The following CACNG2 variants were observed in gnomAD, a reference collection of about 807,000 sequenced individuals.
CACNG2 encodes calcium voltage-gated channel auxiliary subunit gamma 2.
In CACNG2, 3 loss-of-function variants were observed where a neutral mutation model predicts 25.9. The ratio of observed to expected loss-of-function variants is 0.12; its 90% CI spans 0.05 to 0.30. CACNG2 has a LOEUF of 0.30. Ranked by LOEUF, CACNG2 falls within the 10% of genes least tolerant of loss-of-function variation. The pLI, the probability that CACNG2 is intolerant of heterozygous loss-of-function variation, is 1.00. For synonymous variants in CACNG2, 167 were observed against 173.3 expected (o/e 0.96, Z 0.29); for missense variants, 341 against 432.5 (o/e 0.79, Z 1.88).
chr22:36,658,428 G>A (rs1159785888), intron 1 of CACNG2, among the ~76,000 whole-genome samples: 6 of 152,172 alleles, frequency 3.9e-5, no homozygotes, highest in African/African-American at 7.2e-5. Context: ...AGAGAAGCAC[G>A]CACTGCATGC....
intron 1 of CACNG2, among the ~76,000 whole-genome samples, chr22:36,610,170 G>A (rs899294487): frequency 2.0e-5 from 3 of 150,980 alleles, no homozygotes; most frequent in African/African-American, 7.3e-5. Context: ...CATCAGGCAG[G>A]AATCAGTCCC....
chr22:36,657,670 T>G (rs955393003), intron 1 of CACNG2, among the ~76,000 whole-genome samples: 2 of 152,186 alleles, frequency 1.3e-5, no homozygotes, highest in African/African-American at 2.4e-5. Context: ...AGTTTTCATT[T>G]TTATAAATCC....
intron 2 of CACNG2, among the ~76,000 whole-genome samples, chr22:36,577,915 G>A (rs772488670): frequency 2.0e-5 from 3 of 152,126 alleles, no homozygotes; most frequent in Non-Finnish European, 4.4e-5. Context: ...TGAGAGCCCT[G>A]GGCAGTGGAC....
chr22:36,567,715 T>C (rs1165028403), intron 2 of CACNG2, among the ~76,000 whole-genome samples: 1 of 151,978 alleles, frequency 6.6e-6, no homozygotes, highest in African/African-American at 2.4e-5. Context: ...CTTTGCGAAG[T>C]AAAACATTTT....
At chr22:36,619,339 G>A (rs1256647771) in intron 1 of CACNG2, among the ~76,000 whole-genome samples, 1 of 152,170 alleles carries the variant, frequency 6.6e-6, no homozygotes, top group South Asian at 2.1e-4. Context: ...ATTATCACTA[G>A]GTGCAAATTT....
chr22:36,688,912 G>T (rs1364899196), intron 1 of CACNG2, among the ~76,000 whole-genome samples: 1 of 152,118 alleles, frequency 6.6e-6, no homozygotes, highest in Non-Finnish European at 1.5e-5. Context: ...AGTTTTGAGG[G>T]TGCTGCTCTA....
chr22:36,593,345 C>A (rs1316567373), intron 1 of CACNG2, among the ~76,000 whole-genome samples: 1 of 152,152 alleles, frequency 6.6e-6, no homozygotes, highest in South Asian at 2.1e-4. Flanking sequence ...AGTGAGCCAG[C>A]GCTCAGCTCC....
intron 1 of CACNG2, among the ~76,000 whole-genome samples, chr22:36,626,990 C>G (rs1287570265): frequency 6.6e-6 from 1 of 151,876 alleles, no homozygotes; most frequent in East Asian, 1.9e-4. Flanking sequence ...GGTTAAGTGA[C>G]TTGGCCAGGG....
chr22:36,702,899 AT>A lies in CACNG2; in HGVS notation c.-324del. The A allele has an allele frequency of 1.3e-5, 3 of 235,276 alleles. No homozygotes were observed. In the East Asian group the frequency reaches 3.5e-4, roughly 28 times the overall value. 14.6% of individuals were successfully genotyped at this position (235,276 alleles called of 1,614,324 possible). ...GACACCCCCCACCCCCCCAAGTGAG[AT>A]GCCTTAATCTCTTTTTCTAAAATTC... On this transcript the variant is annotated 5_prime_UTR_variant, in exon 1 of 4. Coordinates refer to ENST00000300105, the MANE Select transcript of CACNG2 (RefSeq NM_006078.5).
intron 1 of CACNG2, among the ~76,000 whole-genome samples, chr22:36,612,249 T>C (rs559856992): frequency 5.1e-4 from 77 of 152,348 alleles, no homozygotes; most frequent in African/African-American, 1.8e-3. Context: ...GAGAATACAA[T>C]GATAAGTATC....
chr22:36,700,313 G>A (rs1286405889), intron 1 of CACNG2, among the ~76,000 whole-genome samples: 4 of 152,360 alleles, frequency 2.6e-5, no homozygotes, highest in South Asian at 2.1e-4. Context: ...TTTAATGCAC[G>A]AGTGATACAA....
intron 1 of CACNG2, among the ~76,000 whole-genome samples, chr22:36,662,116 T>C (rs1355340760): frequency 6.6e-6 from 1 of 151,736 alleles, no homozygotes; most frequent in African/African-American, 2.4e-5. Flanking sequence ...GTAGCTGGGA[T>C]TATAGGCACA....
intron 1 of CACNG2, among the ~76,000 whole-genome samples, chr22:36,654,237 T>C (rs1457730980): frequency 6.6e-6 from 1 of 152,128 alleles, no homozygotes; most frequent in African/African-American, 2.4e-5. Flanking sequence ...GCGGGTATAC[T>C]TTATTCCATG....
intron 1 of CACNG2, among the ~76,000 whole-genome samples, chr22:36,596,363 G>A (rs1429066668): frequency 6.6e-6 from 1 of 152,252 alleles, no homozygotes; most frequent in African/African-American, 2.4e-5. Flanking sequence ...GGGGCACAGC[G>A]CAGCCACCAG....
At chr22:36,616,130 G>A (rs1603501721) in intron 1 of CACNG2, among the ~76,000 whole-genome samples, 1 of 152,090 alleles carries the variant, frequency 6.6e-6, no homozygotes, top group South Asian at 2.1e-4. Flanking sequence ...TTAACCTCTT[G>A]TTGCCCTGGT....
intron 1 of CACNG2, among the ~76,000 whole-genome samples, chr22:36,593,473 C>G (rs1202262387): frequency 6.6e-6 from 1 of 152,038 alleles, no homozygotes; most frequent in African/African-American, 2.4e-5. Context: ...TCGATGAGGC[C>G]CAGGGAGGCC....
At chr22:36,648,128 A>T (rs1005397212) in intron 1 of CACNG2, among the ~76,000 whole-genome samples, 2 of 152,240 alleles carry the variant, frequency 1.3e-5, no homozygotes, top group Non-Finnish European at 2.9e-5. Context: ...CACACCAGCC[A>T]GTTAACAACA....
chr22:36,663,114 A>T (rs981536273), intron 1 of CACNG2, among the ~76,000 whole-genome samples: 3 of 152,084 alleles, frequency 2.0e-5, no homozygotes, highest in Admixed American at 6.5e-5. Flanking sequence ...GGTTTAAGAT[A>T]AGTTCTCATT....
chr22:36,651,914 A>G (rs1299936632), intron 1 of CACNG2, among the ~76,000 whole-genome samples: 1 of 152,114 alleles, frequency 6.6e-6, no homozygotes, highest in Non-Finnish European at 1.5e-5. Flanking sequence ...CCCAGGTTGG[A>G]GTGCAGTGGC....
Sources: gnomAD v4.1 joint callset for allele counts (sites outside exome capture counted in the v4.1 genomes callset) on GRCh38, gnomAD v4.1.1 for gene constraint, MANE v1.5 for transcripts, NCBI Gene and HGNC (gene_info 2026-07-23, HGNC 2026-07-21) for gene names.